DST: variants seen among roughly 807,000 people sequenced by gnomAD.
DST encodes bullous pemphigoid antigen.
In DST, 253 loss-of-function variants were observed where a neutral mutation model predicts 875.2. That is an observed-to-expected ratio of 0.29 (90% confidence interval 0.26 to 0.32). The LOEUF (loss-of-function observed/expected upper bound fraction) is 0.32, where lower values mean the gene tolerates loss of function less well. Ranked by LOEUF, DST falls within the 10% of genes least tolerant of loss-of-function variation. The probability of loss-of-function intolerance (pLI) is 1.00; values close to 1 mark genes in which losing one functional copy is unlikely to be tolerated. For synonymous variants in DST, 3,124 were observed against 3,197.1 expected (o/e 0.98, Z 0.77); for missense variants, 8,287 against 9,111.6 (o/e 0.91, Z 3.68).
intron 54 of DST, among the ~76,000 whole-genome samples, chr6:56,569,340 C>CA (rs1175083874): frequency 3.0e-5 from 4 of 133,318 alleles, no homozygotes; most frequent in African/African-American, 1.2e-4. Context: ...AAAAAAAAAA[C>CA]AAAAACACAC....
In DST at chr6:56,840,534, T is replaced by C. The variant is rs75882031; in HGVS notation, c.625+10863A>G. ...GAATATATTTTACAAGTAACAGGAC[T>C]CGAATATGAATCAGAACACTGCACC... On this transcript the variant is annotated intron_variant, in intron 4 of 103. Coordinates refer to ENST00000680361, the MANE Select transcript of DST (RefSeq NM_001374736.1). 8.0e-3 allele frequency among the ~76,000 whole-genome samples: 1,214 copies of C among 152,310 alleles called. 17 individuals carry two copies. The highest frequency in any genetic ancestry group is 0.028 in the African/African-American group (1,152 of 41,576).
intron 2 of DST, among the ~76,000 whole-genome samples, chr6:56,920,891 G>A (rs1232338475): frequency 9.6e-6 from 1 of 104,184 alleles, no homozygotes; most frequent in African/African-American, 3.3e-5. Context: ...ACCACGCCCA[G>A]CTAATTTTTT....
intron 2 of DST, among the ~76,000 whole-genome samples, chr6:56,927,239 T>G (rs753588536): frequency 2.0e-5 from 3 of 152,144 alleles, no homozygotes; most frequent in Non-Finnish European, 4.4e-5. Context: ...TCCCATTATA[T>G]GATACCAAAC....
At chr6:56,851,956 T>A in intron 3 of DST, 9 of 1,488,516 alleles carry the variant, frequency 6.0e-6, no homozygotes, top group Non-Finnish European at 7.1e-6. Context: ...AAACCTATAG[T>A]ATTTGGCTCC....
chr6:56,518,915 A>C (rs1382769456), intron 69 of DST, among the ~76,000 whole-genome samples: 3 of 152,208 alleles, frequency 2.0e-5, no homozygotes, highest in Non-Finnish European at 4.4e-5. Flanking sequence ...TAGATTTTTA[A>C]AAATTCATAC....
chr6:56,629,640 T>A (rs943235066), intron 31 of DST, among the ~76,000 whole-genome samples, 197 bp from the exon 32 acceptor site: 1 of 152,220 alleles, frequency 6.6e-6, no homozygotes, highest in Admixed American at 6.5e-5. Context: ...GATTTTTTAA[T>A]GACAATTTTA....
intron 49 of DST, among the ~76,000 whole-genome samples, chr6:56,589,393 G>GA (rs552344630): frequency 1.2e-3 from 176 of 151,520 alleles, no homozygotes; most frequent in African/African-American, 3.4e-3. Context: ...TGCTATTTTG[G>GA]AAAAAAAACT....
chr6:56,628,112 T>C lies in DST; in HGVS notation c.4525A>G (p.Thr1509Ala), dbSNP rs758572484. 1.2e-6 allele frequency: 2 copies of C among 1,613,836 alleles called. No individual in the cohort carries two copies. Among genetic ancestry groups the C allele is most frequent in the South Asian group, 1.1e-5 (1 of 91,074 alleles). The change falls in exon 33 of 104, where the codon ACT (threonine) becomes GCT (alanine). Residue 1509 changes from threonine to alanine, a missense_variant. Coordinates refer to ENST00000680361, the MANE Select transcript of DST (RefSeq NM_001374736.1). Reference protein sequence around the residue: ...IGKSLKYYRDTYHPLDDWIQQ... With the variant: ...IGKSLKYYRDAYHPLDDWIQQ... ...ATCCAATCATCTAAAGGATGGTAAG[T>C]GTCTCTGTAGTACTTCAGTGATTTG... is the stretch of plus-strand genomic sequence containing the variant.
In DST at chr6:56,561,510, T is replaced by C. The variant is rs772369999; in HGVS notation, c.14108A>G (p.His4703Arg). ...SIKKDMTDIS[H>R]GYEDLGLLLK... Reference sequence around the variant, plus strand: ...TAAGAGGCCAAGATCTTCATAACCATGACTTATGTCAGTCATGTCCTTTTT... The same window carrying C: ...TAAGAGGCCAAGATCTTCATAACCACGACTTATGTCAGTCATGTCCTTTTT... Residue 4703 changes from histidine to arginine, a missense_variant, in exon 57 of 104, where the codon CAT (histidine) becomes CGT (arginine). By Grantham distance (29) the His-to-Arg change is conservative. This residue lies in a region of DST where 1,513 missense variants were observed against 1,677.8 expected (regional missense o/e 0.90). Transcript: ENST00000680361. The C allele has an allele frequency of 1.9e-6, 3 of 1,613,618 alleles. No individual in the cohort carries two copies. Among genetic ancestry groups the C allele is most frequent in the Admixed American group, 3.3e-5 (2 of 59,998 alleles).
chr6:56,904,249 C>T (rs1276402222), intron 2 of DST, among the ~76,000 whole-genome samples: 1 of 152,124 alleles, frequency 6.6e-6, no homozygotes, highest in Admixed American at 6.6e-5. Context: ...GCTGGTGTGC[C>T]TTGAAGACAG....
intron 69 of DST, 51 bp downstream of exon 69, chr6:56,526,310 A>G: frequency 6.3e-7 from 1 of 1,575,496 alleles, no homozygotes; most frequent in Non-Finnish European, 8.7e-7. Flanking sequence ...AAAAGCTCCA[A>G]GAACAGCTGG....
chr6:56,831,941 A>G (rs775002186), intron 4 of DST, among the ~76,000 whole-genome samples: 2 of 152,214 alleles, frequency 1.3e-5, no homozygotes, highest in African/African-American at 2.4e-5. Context: ...AAAAATGCTA[A>G]TTATAAAAGT....
At chr6:56,615,004 A>T (rs1288590958) in intron 36 of DST, 25 of 996,918 alleles carry the variant, frequency 2.5e-5, no homozygotes, top group African/African-American at 3.5e-5. Context: ...ACATTTTAAT[A>T]TGCAAAGAAG....
intron 73 of DST, 72 bp from the exon 74 acceptor site, chr6:56,509,945 A>G: frequency 8.4e-7 from 1 of 1,184,438 alleles, no homozygotes; most frequent in Non-Finnish European, 1.2e-6. Flanking sequence ...TAAATGAAAA[A>G]ACATTTTTTA....
Position 56,626,066 on chromosome 6 carries a change from G to A in DST, c.4723-802C>T, listed in dbSNP as rs959935865. Among the ~76,000 whole-genome samples the A allele has an allele frequency of 7.3e-5, 11 of 151,668 alleles. No homozygotes were observed. In the East Asian group the frequency reaches 2.1e-3, roughly 29 times the overall value. On this transcript the variant is annotated intron_variant, in intron 34 of 103. Transcript: ENST00000680361. ...AGATGCTTTTGTATGGCTGTACAAT[G>A]TGTTCGTTGTTTTAAGCTAAGTGCT... is the stretch of plus-strand genomic sequence containing the variant.
chr6:56,828,023 T>C (rs2099782825), intron 4 of DST, among the ~76,000 whole-genome samples: 3 of 152,198 alleles, frequency 2.0e-5, no homozygotes. Context: ...CTGATGCTCC[T>C]ACTCTCTAGC....
At chr6:56,489,665 A>T in intron 85 of DST, 56 bp from the exon 86 acceptor site, 1 of 1,522,544 alleles carries the variant, frequency 6.6e-7, no homozygotes. Flanking sequence ...TATACTTGAG[A>T]TCTAGCACAG....
chr6:56,755,559 C>CT (rs1411790407), intron 4 of DST, among the ~76,000 whole-genome samples: 1 of 152,154 alleles, frequency 6.6e-6, no homozygotes, highest in Non-Finnish European at 1.5e-5. Context: ...TATCACTGAT[C>CT]TCGTAATCAA....
At chr6:56,825,765 A>C (rs2099779709) in intron 4 of DST, among the ~76,000 whole-genome samples, 1 of 152,220 alleles carries the variant, frequency 6.6e-6, no homozygotes, top group Admixed American at 6.5e-5. Flanking sequence ...AAAACTGTGA[A>C]ACAAGATAAT....
Sources: allele counts gnomAD v4.1 joint callset (sites outside exome capture counted in the v4.1 genomes callset), GRCh38; gene constraint gnomAD v4.1.1; regional missense constraint gnomAD v4.1.1; transcripts MANE v1.5; gene names NCBI Gene and HGNC (gene_info 2026-07-23, HGNC 2026-07-21).